FBXL13: variants seen among roughly 807,000 people sequenced by gnomAD.
FBXL13 encodes the protein F-box and leucine-rich repeat protein 13.
FBXL13 carries 67 observed loss-of-function variants against 83.6 expected under a neutral mutation model. The ratio of observed to expected loss-of-function variants is 0.80; its 90% CI spans 0.66 to 0.98. The LOEUF (loss-of-function observed/expected upper bound fraction) is 0.98. Ranked by LOEUF, FBXL13 falls within the 50% of genes least tolerant of loss-of-function variation. FBXL13 has a pLI of 0.00. For synonymous variants in FBXL13, 272 were observed against 299.5 expected (o/e 0.91, Z 0.95); for missense variants, 822 against 866.5 (o/e 0.95, Z 0.64).
chr7:103,072,458 A>G (rs1025304114), intron 1 of FBXL13, among the ~76,000 whole-genome samples: 1 of 152,118 alleles, frequency 6.6e-6, no homozygotes, highest in African/African-American at 2.4e-5. Context: ...CAATGCAGTA[A>G]GCTGGTAAGG....
chr7:102,887,738 T>C (rs1810984279), intron 11 of FBXL13, among the ~76,000 whole-genome samples: 1 of 152,196 alleles, frequency 6.6e-6, no homozygotes, highest in Non-Finnish European at 1.5e-5. Context: ...TAAATGTTTA[T>C]CACATCTCAA....
intron 10 of FBXL13, among the ~76,000 whole-genome samples, chr7:102,920,361 C>A (rs939034265): frequency 2.0e-5 from 3 of 151,532 alleles, no homozygotes; most frequent in African/African-American, 7.3e-5. Context: ...AAAAATAAAA[C>A]CATACACTCA....
intron 8 of FBXL13, among the ~76,000 whole-genome samples, chr7:102,940,310 C>T (rs867440458): frequency 1.3e-4 from 20 of 149,380 alleles, no homozygotes; most frequent in East Asian, 2.0e-4. Context: ...CCCAGGTTCA[C>T]GCCATTCTCC....
At chr7:102,932,533 T>C (rs1468992657) in intron 8 of FBXL13, among the ~76,000 whole-genome samples, 1 of 1,044 alleles carries the variant, frequency 9.6e-4, no homozygotes, top group Non-Finnish European at 0.011. Context: ...TAATTCAGCA[T>C]GTATAATAAT....
At chr7:102,924,644 T>TC (rs1158122458) in intron 10 of FBXL13, among the ~76,000 whole-genome samples, 19 of 147,370 alleles carry the variant, frequency 1.3e-4, no homozygotes, top group Admixed American at 8.1e-4. Flanking sequence ...AGCTTTTCTT[T>TC]TTTTTTTTTT....
chr7:102,847,993 A>T (rs572029705), intron 17 of FBXL13, among the ~76,000 whole-genome samples: 6 of 152,338 alleles, frequency 3.9e-5, no homozygotes, highest in African/African-American at 1.2e-4. Flanking sequence ...AGGTGTATAC[A>T]TATATTTAAT....
intron 11 of FBXL13, among the ~76,000 whole-genome samples, chr7:102,886,140 T>C (rs1810764903): frequency 1.3e-5 from 2 of 152,194 alleles, no homozygotes; most frequent in Non-Finnish European, 1.5e-5. Context: ...TTGCCTATAA[T>C]GAATTACCTT....
At chr7:103,030,399 T>C (rs555508905) in intron 2 of FBXL13, among the ~76,000 whole-genome samples, 1 of 152,312 alleles carries the variant, frequency 6.6e-6, no homozygotes, top group African/African-American at 2.4e-5. Context: ...TTCAAGTCAT[T>C]CTTCACTAAA....
intron 7 of FBXL13, among the ~76,000 whole-genome samples, chr7:102,966,386 A>G (rs934103477): frequency 1.3e-5 from 2 of 152,166 alleles, no homozygotes; most frequent in Non-Finnish European, 2.9e-5. Context: ...CACTTTGAGA[A>G]CCACTGGCTT....
At position 102,833,003 on chromosome 7, in the gene FBXL13, T is replaced by C. The variant is rs115898012; in HGVS notation, c.1720-29A>G. 1,002 of 1,613,168 alleles carry C rather than the reference T, an allele frequency of 6.2e-4. 14 individuals are homozygous for C. In the African/African-American group the frequency reaches 0.012, roughly 19 times the overall value. On this transcript the variant is annotated intron_variant, in intron 17 of 19. Coordinates refer to ENST00000313221, the Ensembl canonical transcript of FBXL13. ...CAAAAAATTCCAAGGTCAAATTTTT[T>C]CTTTTCTTTAGTCATCTAGAACTGT...
At chr7:103,015,628 C>T (rs1792201029) in intron 6 of FBXL13, among the ~76,000 whole-genome samples, 1 of 152,062 alleles carries the variant, frequency 6.6e-6, no homozygotes, top group Admixed American at 6.5e-5. Flanking sequence ...TAAACCCCGT[C>T]TCTACTAAAA....
At chr7:103,028,503 TAG>T (rs760457029) in intron 4 of FBXL13, 95 bp downstream of exon 5, 372 of 770,704 alleles carry the variant, frequency 4.8e-4, no homozygotes, top group Non-Finnish European at 6.5e-4. Flanking sequence ...ATAAAAATGA[TAG>T]GTTCTCTAAG....
chr7:102,955,354 G>A (rs1824080198), intron 8 of FBXL13, among the ~76,000 whole-genome samples: 1 of 151,980 alleles, frequency 6.6e-6, no homozygotes, highest in Non-Finnish European at 1.5e-5. Flanking sequence ...CGAGAACAAA[G>A]ACACAACGCA....
chr7:102,834,680 C>G (rs1193851867), intron 17 of FBXL13: 1 of 151,924 alleles, frequency 6.6e-6, no homozygotes, highest in African/African-American at 2.4e-5. Context: ...AAGGATGACA[C>G]AGATTTGTGA....
At chr7:102,826,735 A>C (rs1187290385) in intron 18 of FBXL13, among the ~76,000 whole-genome samples, 1 of 43,994 alleles carries the variant, frequency 2.3e-5, no homozygotes, top group African/African-American at 1.5e-4. Flanking sequence ...ATATATATAT[A>C]TATATATATA....
At chr7:102,914,723 A>T (rs1815479087) in intron 10 of FBXL13, among the ~76,000 whole-genome samples, 2 of 152,242 alleles carry the variant, frequency 1.3e-5, no homozygotes, top group African/African-American at 4.8e-5. Context: ...GCGAGGGGGA[A>T]GGCTTTGGAC....
rs1189916799 is a variant in FBXL13 at position 102,898,611 on chromosome 7, G to C, written c.1009-14299C>G. 2.0e-5 allele frequency among the ~76,000 whole-genome samples: 3 copies of C among 151,814 alleles called. No individual in the cohort carries two copies. The East Asian group carries it at 5.8e-4, about 29-fold the overall frequency. On this transcript the variant is annotated intron_variant, in intron 11 of 19. Coordinates refer to ENST00000313221, the Ensembl canonical transcript of FBXL13. Reference sequence around the variant, plus strand: ...TGGCCACTTTTCTGTATTATATTTTGGCCAAACTTACCCCAAAAAAGTCAT... The same window carrying C: ...TGGCCACTTTTCTGTATTATATTTTCGCCAAACTTACCCCAAAAAAGTCAT...
At chr7:103,038,166 C>T (rs890218777) in intron 2 of FBXL13, among the ~76,000 whole-genome samples, 1 of 152,236 alleles carries the variant, frequency 6.6e-6, no homozygotes, top group East Asian at 1.9e-4. Flanking sequence ...ATGCCTGGCT[C>T]GGTGAGTCCC....
chr7:103,031,055 A>C (rs1281005649), intron 2 of FBXL13: 1 of 152,212 alleles, frequency 6.6e-6, no homozygotes, highest in Non-Finnish European at 1.5e-5. Flanking sequence ...TCTTTTCTTC[A>C]CAGGGAAAAG....
Sources: gnomAD v4.1 joint callset for allele counts (sites outside exome capture counted in the v4.1 genomes callset) on GRCh38, gnomAD v4.1.1 for gene constraint, MANE v1.5 for transcripts, NCBI Gene and HGNC (gene_info 2026-07-23, HGNC 2026-07-21) for gene names.